The following RNF157 variants were observed in gnomAD, a reference collection of about 807,000 sequenced individuals.
The protein encoded by RNF157 is ring finger protein 157, also known as E3 ubiquitin ligase RNF157.
In RNF157, 55 loss-of-function variants were observed where a neutral mutation model predicts 88.3. That is an observed-to-expected ratio of 0.62 (90% CI 0.50 to 0.78). The LOEUF (loss-of-function observed/expected upper bound fraction) is 0.78. RNF157 is among the 30% of genes least tolerant of loss of function. RNF157 has a pLI of 0.00. For missense variants in RNF157, 788 were observed against 860.8 expected (o/e 0.92, Z 1.06); for synonymous variants, 334 against 341.2 (o/e 0.98, Z 0.23).
chr17:76,159,846 T>A (rs570613987), intron 11 of RNF157, among the ~76,000 whole-genome samples: 3 of 152,296 alleles, frequency 2.0e-5, no homozygotes, highest in East Asian at 1.9e-4. Flanking sequence ...GGAAAAAAAA[T>A]CACCAGTAAT....
At chr17:76,223,265 G>A (rs1483570307) in intron 1 of RNF157, among the ~76,000 whole-genome samples, 6 of 149,356 alleles carry the variant, frequency 4.0e-5, no homozygotes, top group Non-Finnish European at 5.9e-5. Flanking sequence ...TCTGCTCGCT[G>A]CAACATCCGC....
chr17:76,168,884 A>G (rs1225535060), intron 3 of RNF157, among the ~76,000 whole-genome samples: 4 of 152,228 alleles, frequency 2.6e-5, no homozygotes, highest in Non-Finnish European at 5.9e-5. Flanking sequence ...TCTAAAAGAC[A>G]CTGAAAGCCT....
At position 76,155,125 on chromosome 17, in the gene RNF157, A is replaced by T. The variant is rs1384825112; in HGVS notation, c.1764+127T>A. ...CCCACATTCCACTTCTCACTGATCT[A>T]GGCATGTCCCCTAGGAAGGCTTCGT... On this transcript the variant is annotated intron_variant, in intron 16 of 18. Coordinates refer to ENST00000269391, the MANE Select transcript of RNF157 (RefSeq NM_052916.3). 16 of 771,640 alleles carry T rather than the reference A, an allele frequency of 2.1e-5. No homozygotes were observed. The East Asian group carries it at 3.7e-4, about 18-fold the overall frequency. 47.8% of individuals were successfully genotyped at this position (771,640 alleles called of 1,614,324 possible).
intron 2 of RNF157, among the ~76,000 whole-genome samples, chr17:76,186,368 G>A (rs555219092): frequency 4.6e-5 from 7 of 151,594 alleles, no homozygotes; most frequent in Admixed American, 1.3e-4. Context: ...TTAGCTGGGC[G>A]TGGTGGCGGG....
rs963130488 is a variant in RNF157 at position 76,146,497 on chromosome 17, C to T, written c.1922-1144G>A. On this transcript the variant is annotated intron_variant, in intron 18 of 18. Transcript: ENST00000269391. The surrounding 1 kb of genome is among the most constrained non-coding windows in gnomAD (Gnocchi z 4.2). ...GCGCTCCTGCCTTGGGCCTCGGCTG[C>T]CTCCACTCTCAGGGTCCCCTGGCTC... The T allele has an allele frequency of 2.8e-5, 28 of 985,344 alleles. No homozygotes were observed. Among genetic ancestry groups the T allele is most frequent in the Non-Finnish European group, 3.4e-5 (28 of 829,936 alleles). 61.0% of individuals were successfully genotyped at this position (985,344 alleles called of 1,614,324 possible). A position where few individuals can be genotyped will look rare whatever the true frequency, so the allele number is the denominator to read the frequency against.
At chr17:76,171,102 C>T (rs1022336013) in intron 3 of RNF157, among the ~76,000 whole-genome samples, 4 of 151,960 alleles carry the variant, frequency 2.6e-5, no homozygotes, top group African/African-American at 4.8e-5. Context: ...CTGTGTTAGC[C>T]AGGATGGTCT....
In RNF157 at chr17:76,144,883, A is replaced by C. The variant is rs2068561703; in HGVS notation, c.*352T>G. ...AATGCCAGAGGGATGTTTGTAACAA[A>C]GCTGCCAAACTCTAAGCCTTCTTGT... On this transcript the variant is annotated 3_prime_UTR_variant, in exon 19 of 19. Transcript: ENST00000269391. The C allele has an allele frequency of 5.0e-6, 1 of 200,978 alleles. No individual in the cohort carries two copies. The highest frequency in any genetic ancestry group is 1.5e-4 in the South Asian group (1 of 6,852). 12.4% of individuals were successfully genotyped at this position (200,978 alleles called of 1,614,324 possible). A position where few individuals can be genotyped will look rare whatever the true frequency, so the allele number is the denominator to read the frequency against.
chr17:76,177,906 G>C (rs2069130817), intron 2 of RNF157, among the ~76,000 whole-genome samples: 1 of 152,166 alleles, frequency 6.6e-6, no homozygotes, highest in Admixed American at 6.5e-5. Context: ...CTGCGGAAAA[G>C]AGCTTCCCAC....
At position 76,176,833 on chromosome 17, in the gene RNF157, G is replaced by T. The variant is rs1050288307; in HGVS notation, c.208-3043C>A. ...GCGGAGCTGGGGCCATGCTTCAGGGGCCCCGGGCAGGAAGTGGGAGCAGCT... is the reference window on the plus strand; with the variant it reads ...GCGGAGCTGGGGCCATGCTTCAGGGTCCCCGGGCAGGAAGTGGGAGCAGCT... On this transcript the variant is annotated intron_variant, in intron 2 of 18. Transcript: ENST00000269391. The surrounding 1 kb of genome is among the most constrained non-coding windows in gnomAD (Gnocchi z 4.2). 1.3e-5 allele frequency among the ~76,000 whole-genome samples: 2 copies of T among 152,084 alleles called. No individual in the cohort carries two copies. The highest frequency in any genetic ancestry group is 6.6e-5 in the Admixed American group (1 of 15,254).
intron 2 of RNF157, among the ~76,000 whole-genome samples, chr17:76,182,207 G>A (rs899651061): frequency 6.6e-6 from 1 of 152,180 alleles, no homozygotes; most frequent in Non-Finnish European, 1.5e-5. Context: ...TGGAAGTAGA[G>A]TTGGGCTCAG....
rs746575050 is a variant in RNF157 at position 76,152,464 on chromosome 17, G to A, written c.1812C>T (p.Gly604=). Residue 604 remains glycine, a splice_region_variant and synonymous_variant, in exon 18 of 19, where the codon GGC becomes GGT. Coordinates refer to ENST00000269391, the MANE Select transcript of RNF157 (RefSeq NM_052916.3). The part of the protein sequence containing the change: ...EEEDGSPTQE[G]QRTCAFLGME... ...TACCTAGAAATGCGCACGTCCTCTG[G>A]CCTGTAACGGAGTTAATGCAGTTAG... 1.0e-5 allele frequency: 16 copies of A among 1,601,442 alleles called. No individual in the cohort carries two copies. Among genetic ancestry groups the A allele is most frequent in the Non-Finnish European group, 1.3e-5 (15 of 1,168,582 alleles).
intron 2 of RNF157, among the ~76,000 whole-genome samples, chr17:76,210,360 A>T (rs59936899): frequency 6.6e-6 from 1 of 151,758 alleles, no homozygotes; most frequent in Admixed American, 6.6e-5. Flanking sequence ...TTGGGAGGCC[A>T]AGGTGGGCGG....
chr17:76,225,431 T>C (rs2070063605), intron 1 of RNF157, among the ~76,000 whole-genome samples: 1 of 152,196 alleles, frequency 6.6e-6, no homozygotes, highest in Admixed American at 6.5e-5. Flanking sequence ...GTAACTCCAC[T>C]ATTCACAATT....
chr17:76,229,511 A>G (rs2070151759), intron 1 of RNF157, among the ~76,000 whole-genome samples: 1 of 152,224 alleles, frequency 6.6e-6, no homozygotes, highest in South Asian at 2.1e-4. Context: ...CTCCCTTCCC[A>G]TACTCAACTC....
At chr17:76,206,098 G>T (rs1409824801) in intron 2 of RNF157, among the ~76,000 whole-genome samples, 1 of 152,092 alleles carries the variant, frequency 6.6e-6, no homozygotes, top group African/African-American at 2.4e-5. Flanking sequence ...AGGCATGGTG[G>T]GGCGTGCTTG....
chr17:76,167,572 G>C (rs2068947714), intron 4 of RNF157, 79 bp downstream of exon 4: 1 of 1,586,746 alleles, frequency 6.3e-7, no homozygotes, highest in Non-Finnish European at 8.6e-7. Context: ...GATCTTACCT[G>C]GTAATACCAT....
At chr17:76,233,946 C>T (rs1299197663) in intron 1 of RNF157, among the ~76,000 whole-genome samples, 1 of 152,138 alleles carries the variant, frequency 6.6e-6, no homozygotes, top group Non-Finnish European at 1.5e-5. Flanking sequence ...AACTATTCAC[C>T]ACTATCTAAT....
intron 1 of RNF157, among the ~76,000 whole-genome samples, chr17:76,225,347 C>T (rs1017552543): frequency 1.3e-5 from 2 of 152,052 alleles, no homozygotes; most frequent in Admixed American, 1.3e-4. Flanking sequence ...TAGAAATACA[C>T]AATACATGTC....
intron 2 of RNF157, among the ~76,000 whole-genome samples, chr17:76,208,550 CATTATT>C (rs1178977205): frequency 2.6e-5 from 4 of 152,154 alleles, no homozygotes; most frequent in Non-Finnish European, 4.4e-5. Context: ...TGTTAGCCAT[CATTATT>C]ATTATCAAAT....
Sources: allele counts gnomAD v4.1 joint callset (sites outside exome capture counted in the v4.1 genomes callset), GRCh38; gene constraint gnomAD v4.1.1; non-coding constraint Gnocchi (gnomAD v3.1); transcripts MANE v1.5; gene names NCBI Gene and HGNC (gene_info 2026-07-23, HGNC 2026-07-21).